Variants in ATP8A2 observed in about 807,000 individuals in gnomAD.
ATP8A2 encodes the protein phospholipid-transporting ATPase IB.
ATP8A2 carries 100 observed loss-of-function variants against 165.6 expected under a neutral mutation model. That is an observed-to-expected ratio of 0.60 (90% CI 0.51 to 0.71). The LOEUF (loss-of-function observed/expected upper bound fraction) is 0.71, where lower values mean the gene tolerates loss of function less well. Ranked by LOEUF, ATP8A2 falls within the 30% of genes least tolerant of loss-of-function variation. The pLI is 0.00. For missense variants in ATP8A2, 1,227 were observed against 1,479.5 expected, an observed-to-expected ratio of 0.83 and a Z score of 2.80; for synonymous variants, 543 against 548.8, an observed-to-expected ratio of 0.99 and a Z score of 0.15.
chr13:25,879,006 G>A (rs1483947578), intron 33 of ATP8A2, among the ~76,000 whole-genome samples: 1 of 152,158 alleles, frequency 6.6e-6, no homozygotes, highest in African/African-American at 2.4e-5. Context: ...ATCACCATGC[G>A]ATTTGCTCCC....
At chr13:25,954,351 C>T (rs899060913) in intron 33 of ATP8A2, among the ~76,000 whole-genome samples, 1 of 152,230 alleles carries the variant, frequency 6.6e-6, no homozygotes, top group Non-Finnish European at 1.5e-5. Flanking sequence ...AAGGCAGCAG[C>T]CCCAGTCAGG....
intron 1 of ATP8A2, among the ~76,000 whole-genome samples, chr13:25,465,317 G>A (rs9511814): frequency 0.86 from 131,049 of 152,082 alleles, 57,595 homozygotes; most frequent in Non-Finnish European, 0.96. Context: ...TCTGAATCTT[G>A]GGGACAGGTG....
rs555289319 is a variant in ATP8A2, at chr13:25,599,778, T to C, written c.2211+10079T>C. ...ATGACTGCAATGGCAAGGAAAGCCA[T>C]TGAATGATCACTTCAGTAGCTATTT... On this transcript the variant is annotated intron_variant, in intron 24 of 36. Transcript: ENST00000381655. Among the ~76,000 whole-genome samples the C allele has an allele frequency of 2.6e-4, 39 of 152,326 alleles. 1 individual carries two copies. In the South Asian group the frequency reaches 7.9e-3, roughly 31 times the overall value.
intron 13 of ATP8A2, among the ~76,000 whole-genome samples, chr13:25,558,283 T>C (rs984034089): frequency 6.6e-6 from 1 of 152,296 alleles, no homozygotes; most frequent in East Asian, 1.9e-4. Flanking sequence ...TCTACTAAAT[T>C]TTCCATACCC....
chr13:26,015,553 C>A (rs912482625), intron 36 of ATP8A2, among the ~76,000 whole-genome samples: 2 of 151,848 alleles, frequency 1.3e-5, no homozygotes, highest in African/African-American at 4.8e-5. Flanking sequence ...AGCACAGATT[C>A]AAAGGAATGC....
In ATP8A2 at chr13:25,826,182, T is replaced by C. The variant is rs115049886; in HGVS notation, c.2680-1936T>C. ...TATTCTACACTGAACTTGGAAACTT[T>C]AATATCACTTTGTACCCCATAAATA... is the stretch of plus-strand genomic sequence containing the variant. On this transcript the variant is annotated intron_variant, in intron 27 of 36. Coordinates refer to ENST00000381655, the MANE Select transcript of ATP8A2 (RefSeq NM_016529.6). Among the ~76,000 whole-genome samples, 702 of 152,310 alleles carry C rather than the reference T, an allele frequency of 4.6e-3. 10 individuals carry two copies. The highest frequency in any genetic ancestry group is 0.016 in the African/African-American group (647 of 41,568).
intron 21 of ATP8A2, among the ~76,000 whole-genome samples, chr13:25,579,182 C>G (rs1329911277): frequency 6.6e-6 from 1 of 152,204 alleles, no homozygotes; most frequent in Non-Finnish European, 1.5e-5. Flanking sequence ...TTTCCTGTCC[C>G]TCTCTTGGTG....
intron 1 of ATP8A2, among the ~76,000 whole-genome samples, chr13:25,404,361 C>T (rs1325348508): frequency 3.3e-5 from 5 of 152,190 alleles, no homozygotes; most frequent in Non-Finnish European, 7.3e-5. Flanking sequence ...GACTGAAAAG[C>T]TCAGCCTGGT....
intron 1 of ATP8A2, among the ~76,000 whole-genome samples, chr13:25,443,010 T>C (rs2034974237): frequency 6.6e-6 from 1 of 152,210 alleles, no homozygotes; most frequent in Non-Finnish European, 1.5e-5. Flanking sequence ...TTTTCCTCTG[T>C]TTATAGTATT....
intron 25 of ATP8A2, among the ~76,000 whole-genome samples, chr13:25,717,435 A>C (rs2043280592): frequency 6.6e-6 from 1 of 151,514 alleles, no homozygotes; most frequent in South Asian, 2.1e-4. Flanking sequence ...AAAAAAAAAA[A>C]ACACCAAGGT....
intron 35 of ATP8A2, among the ~76,000 whole-genome samples, chr13:26,004,144 G>A (rs1404023049): frequency 6.6e-6 from 1 of 151,984 alleles, no homozygotes; most frequent in Admixed American, 6.6e-5. Flanking sequence ...TTGTTTTACA[G>A]TTCATGAGCA....
chr13:25,405,843 T>C (rs1388980113), intron 1 of ATP8A2, among the ~76,000 whole-genome samples: 1 of 152,210 alleles, frequency 6.6e-6, no homozygotes, highest in Non-Finnish European at 1.5e-5. Context: ...CTGGGGGAAA[T>C]GGAAAAAGCG....
At chr13:25,920,541 G>A (rs1311643943) in intron 33 of ATP8A2, among the ~76,000 whole-genome samples, 1 of 152,138 alleles carries the variant, frequency 6.6e-6, no homozygotes, top group Non-Finnish European at 1.5e-5. Context: ...AAAAGCCGAA[G>A]TCCTCCCTCT....
chr13:25,882,027 G>A (rs1361226369), intron 33 of ATP8A2, among the ~76,000 whole-genome samples: 1 of 152,112 alleles, frequency 6.6e-6, no homozygotes, highest in African/African-American at 2.4e-5. Context: ...GGAAGGACTC[G>A]CCTGAGTTCA....
At chr13:25,914,845 A>T (rs1954222051) in intron 33 of ATP8A2, among the ~76,000 whole-genome samples, 1 of 152,114 alleles carries the variant, frequency 6.6e-6, no homozygotes, top group Non-Finnish European at 1.5e-5. Context: ...TCTTGACTCC[A>T]AGCCTGGAAC....
At chr13:25,885,634 A>G (rs1953125537) in intron 33 of ATP8A2, among the ~76,000 whole-genome samples, 2 of 152,280 alleles carry the variant, frequency 1.3e-5, no homozygotes, top group South Asian at 2.1e-4. Flanking sequence ...GAGAAATTGC[A>G]GTGTCCTGCT....
intron 12 of ATP8A2, among the ~76,000 whole-genome samples, 155 bp downstream of exon 12, chr13:25,554,075 G>T (rs780518011): frequency 6.6e-6 from 1 of 152,198 alleles, no homozygotes; most frequent in African/African-American, 2.4e-5. Flanking sequence ...GGGATCACCA[G>T]TGAGGGTGTT....
chr13:25,798,161 T>G (rs1403912436), intron 27 of ATP8A2, among the ~76,000 whole-genome samples: 1 of 152,232 alleles, frequency 6.6e-6, no homozygotes, highest in Non-Finnish European at 1.5e-5. Flanking sequence ...TGGTTACTAA[T>G]GGCCACCATG....
rs1024453146 is a variant in ATP8A2 at position 25,422,868 on chromosome 13, T to C, written c.77-46109T>C. The stretch of plus-strand genomic sequence containing the variant: ...GCACAGGCTGTTGCTGGGGCAAATG[T>C]CCTTACAAAAGTATTATTTTGTGTC... On this transcript the variant is annotated intron_variant, in intron 1 of 36. Coordinates refer to ENST00000381655, the MANE Select transcript of ATP8A2 (RefSeq NM_016529.6). 4.6e-5 allele frequency among the ~76,000 whole-genome samples: 7 copies of C among 152,372 alleles called. No homozygotes were observed. In the East Asian group the frequency reaches 1.3e-3, roughly 29 times the overall value.
Sources: gnomAD v4.1 joint callset for allele counts (sites outside exome capture counted in the v4.1 genomes callset) on GRCh38, gnomAD v4.1.1 for gene constraint, MANE v1.5 for transcripts, NCBI Gene and HGNC (gene_info 2026-07-23, HGNC 2026-07-21) for gene names.